The following SEMA3C variants were observed in gnomAD, a reference collection of about 807,000 sequenced individuals.
SEMA3C encodes semaphorin 3C, also known as semaphorin-3C.
In SEMA3C, 47 loss-of-function variants were observed where a neutral mutation model predicts 89.4. The ratio of observed to expected loss-of-function variants is 0.53; its 90% confidence interval spans 0.42 to 0.67. The LOEUF (loss-of-function observed/expected upper bound fraction) is 0.67, where lower values mean the gene tolerates loss of function less well. SEMA3C is among the 30% of genes least tolerant of loss of function. SEMA3C has a pLI of 0.00. For missense variants in SEMA3C, 839 were observed against 929.1 expected (o/e 0.90, Z 1.26); for synonymous variants, 310 against 320.2 (o/e 0.97, Z 0.34).
intron 17 of SEMA3C, among the ~76,000 whole-genome samples, chr7:80,747,050 C>T (rs1242990427): frequency 6.6e-6 from 1 of 151,996 alleles, no homozygotes; most frequent in Non-Finnish European, 1.5e-5. Flanking sequence ...TAGAAAGGAT[C>T]AGAATAAGTT....
chr7:80,806,254 A>T (rs1198243524), intron 6 of SEMA3C, among the ~76,000 whole-genome samples: 1 of 152,096 alleles, frequency 6.6e-6, no homozygotes, highest in East Asian at 1.9e-4. Flanking sequence ...TCTACAATGT[A>T]TGGGAATTAG....
At chr7:80,750,473 T>TACACAC (rs56793292) in intron 16 of SEMA3C, among the ~76,000 whole-genome samples, 589 of 55,210 alleles carry the variant, frequency 0.011, 6 homozygotes, top group Middle Eastern at 0.023. Flanking sequence ...TATATATATA[T>TACACAC]ACACACACAC....
At chr7:80,864,639 A>G (rs950306596) in intron 2 of SEMA3C, among the ~76,000 whole-genome samples, 1 of 152,122 alleles carries the variant, frequency 6.6e-6, no homozygotes, top group Non-Finnish European at 1.5e-5. Flanking sequence ...GGCTCTTACA[A>G]GAGCTTCCAA....
intron 6 of SEMA3C, among the ~76,000 whole-genome samples, chr7:80,808,627 C>T (rs938920859): frequency 6.6e-6 from 1 of 151,998 alleles, no homozygotes; most frequent in African/African-American, 2.4e-5. Flanking sequence ...TGAACCAAAG[C>T]AAGCATTTTG....
intron 12 of SEMA3C, among the ~76,000 whole-genome samples, chr7:80,785,990 G>A (rs759869068): frequency 5.9e-5 from 9 of 152,108 alleles, no homozygotes; most frequent in Admixed American, 1.3e-4. Context: ...TAATGCAGCC[G>A]GTTATGACAA....
At chr7:80,782,997 CA>C (rs1323003298) in intron 12 of SEMA3C, among the ~76,000 whole-genome samples, 1 of 151,990 alleles carries the variant, frequency 6.6e-6, no homozygotes, top group Non-Finnish European at 1.5e-5. Flanking sequence ...GTAATTTGAG[CA>C]GACTAGAACC....
intron 17 of SEMA3C, among the ~76,000 whole-genome samples, chr7:80,747,341 CAT>C (rs1358210228): frequency 6.6e-6 from 1 of 152,082 alleles, no homozygotes; most frequent in African/African-American, 2.4e-5. Flanking sequence ...GATATTCAAA[CAT>C]ATGTATTTAT....
rs1347929918 is a variant in SEMA3C, at chr7:80,918,982, G to C, written c.-193C>G. ...CGGTCCTCTGAGTTTCTTTGTAAAG[G>C]AATCTCAGCGCTGCAGTGCCGCGGC... On this transcript the variant is annotated 5_prime_UTR_variant, in exon 1 of 18. Coordinates refer to ENST00000265361, the MANE Select transcript of SEMA3C (RefSeq NM_006379.5). The C allele has an allele frequency of 1.0e-6, 1 of 985,252 alleles. No individual in the cohort carries two copies. The highest frequency in any genetic ancestry group is 1.7e-5 in the African/African-American group (1 of 57,234). 61.0% of individuals were successfully genotyped at this position (985,252 alleles called of 1,614,324 possible).
chr7:80,751,955 C>T (rs1787946048), intron 15 of SEMA3C, among the ~76,000 whole-genome samples: 1 of 152,086 alleles, frequency 6.6e-6, no homozygotes, highest in African/African-American at 2.4e-5. Flanking sequence ...TACTGGTATA[C>T]CTAGATTCAC....
At chr7:80,817,240 A>T (rs1455717392) in intron 5 of SEMA3C, among the ~76,000 whole-genome samples, 1 of 152,192 alleles carries the variant, frequency 6.6e-6, no homozygotes, top group African/African-American at 2.4e-5. Flanking sequence ...CTTATGTATA[A>T]ATTACATGTC....
At chr7:80,830,638 T>C (rs1264043078) in intron 2 of SEMA3C, among the ~76,000 whole-genome samples, 2 of 152,140 alleles carry the variant, frequency 1.3e-5, no homozygotes, top group Non-Finnish European at 2.9e-5. Flanking sequence ...CATGACAGCA[T>C]ACAAGAACAA....
chr7:80,811,504 CT>C (rs1789468732), intron 5 of SEMA3C, among the ~76,000 whole-genome samples: 1 of 151,690 alleles, frequency 6.6e-6, no homozygotes, highest in African/African-American at 2.4e-5. Context: ...AAATATGTAC[CT>C]TTTTCTTACA....
chr7:80,754,947 G>GTTTTTTTTTGTTTTTTTTTTGTT (rs1173212982), intron 15 of SEMA3C, among the ~76,000 whole-genome samples: 1 of 13,134 alleles, frequency 7.6e-5, no homozygotes, highest in Non-Finnish European at 3.0e-4. Context: ...CTGGCGAATT[G>GTTTTTTTTTGTTTTTTTTTTGTT]TTTTTTTTTG....
At chr7:80,843,689 C>T (rs1400488788) in intron 2 of SEMA3C, among the ~76,000 whole-genome samples, 1 of 152,066 alleles carries the variant, frequency 6.6e-6, no homozygotes, top group Non-Finnish European at 1.5e-5. Context: ...AGCTTTAGGG[C>T]ATTACTCCAG....
chr7:80,921,689 C>A (rs3762022), upstream of SEMA3C, among the ~76,000 whole-genome samples: 2,086 of 152,252 alleles, frequency 0.014, 164 homozygotes, highest in East Asian at 0.24. Context: ...CCCAGCAAAA[C>A]GTTTCAGACG....
intron 12 of SEMA3C, among the ~76,000 whole-genome samples, chr7:80,778,442 T>C (rs1788617261): frequency 6.6e-6 from 1 of 152,202 alleles, no homozygotes; most frequent in African/African-American, 2.4e-5. Flanking sequence ...ATTACTCATC[T>C]GGGATTCATG....
intron 1 of SEMA3C, among the ~76,000 whole-genome samples, chr7:80,917,152 TAA>T (rs1181664759): frequency 6.6e-6 from 1 of 152,190 alleles, no homozygotes; most frequent in African/African-American, 2.4e-5. Flanking sequence ...TCCATTACAT[TAA>T]AAAGACTTGA....
intron 4 of SEMA3C, among the ~76,000 whole-genome samples, chr7:80,824,633 T>C (rs2115794953): frequency 6.6e-6 from 1 of 152,304 alleles, no homozygotes; most frequent in Non-Finnish European, 1.5e-5. Flanking sequence ...TTTGTGTGTG[T>C]CCCTTAGCAT....
intron 9 of SEMA3C, among the ~76,000 whole-genome samples, chr7:80,801,730 TA>T (rs3840549): frequency 0.015 from 2,210 of 146,702 alleles, 62 homozygotes; most frequent in Admixed American, 0.071. Context: ...TAGCTCTCCC[TA>T]AAAAAAAAAG....
Sources: allele counts gnomAD v4.1 joint callset (sites outside exome capture counted in the v4.1 genomes callset), GRCh38; gene constraint gnomAD v4.1.1; transcripts MANE v1.5; gene names NCBI Gene and HGNC (gene_info 2026-07-23, HGNC 2026-07-21).